The following MGAT4C variants were observed in gnomAD, a reference collection of about 807,000 sequenced individuals.
The protein encoded by MGAT4C is alpha-1,3-mannosyl-glycoprotein 4-beta-N-acetylglucosaminyltransferase C.
Under a neutral mutation model 40.1 loss-of-function variants are expected in MGAT4C, and 19 were observed. That is an observed-to-expected ratio of 0.47 (90% CI 0.33 to 0.70). MGAT4C has a LOEUF of 0.70. MGAT4C is among the 30% of genes least tolerant of loss of function. The pLI is 0.02. For synonymous variants in MGAT4C, 181 were observed against 187.1 expected, an observed-to-expected ratio of 0.97 and a Z score of 0.27; for missense variants, 491 against 563.2, an observed-to-expected ratio of 0.87 and a Z score of 1.30.
chr12:86,744,963 A>G (rs549966098), intron 1 of MGAT4C: 4 of 151,738 alleles, frequency 2.6e-5, no homozygotes, highest in Admixed American at 2.6e-4. Context: ...AAGAAGAACC[A>G]TGATGCAAAT....
intron 1 of MGAT4C, among the ~76,000 whole-genome samples, chr12:86,225,674 T>C (rs1488731633): frequency 6.6e-6 from 1 of 152,026 alleles, no homozygotes; most frequent in Non-Finnish European, 1.5e-5. Flanking sequence ...AGCACATCGA[T>C]AGATTGAAGG....
chr12:86,803,277 A>C (rs1436428658), intron 1 of MGAT4C, among the ~76,000 whole-genome samples: 1 of 151,384 alleles, frequency 6.6e-6, no homozygotes, highest in African/African-American at 2.4e-5. Flanking sequence ...AGATGGATTA[A>C]AGATTTAAAC....
chr12:86,171,402 A>C (rs1356217938), intron 1 of MGAT4C, among the ~76,000 whole-genome samples: 1 of 152,202 alleles, frequency 6.6e-6, no homozygotes, highest in African/African-American at 2.4e-5. Flanking sequence ...AAAGATGTTT[A>C]CTATCTTACA....
chr12:86,549,664 C>T (rs368923060), intron 2 of MGAT4C, among the ~76,000 whole-genome samples: 3 of 152,178 alleles, frequency 2.0e-5, no homozygotes, highest in Non-Finnish European at 2.9e-5. Context: ...TGAGTAACGT[C>T]AGCAAGACGC....
intron 1 of MGAT4C, among the ~76,000 whole-genome samples, chr12:86,060,811 A>G (rs1301489455): frequency 2.0e-5 from 3 of 152,190 alleles, no homozygotes; most frequent in African/African-American, 7.2e-5. Context: ...AAGAAAAATC[A>G]TAAGAAAACC....
In MGAT4C at chr12:85,966,182, T is replaced by C. The variant is rs1329848298; in HGVS notation, c.*13107A>G. 1 of 152,190 alleles carries C rather than the reference T, an allele frequency of 6.6e-6. No individual in the cohort carries two copies. The allele number at this position is 152,190 out of a possible 1,614,324, so 9.4% of individuals were successfully genotyped here. A position where few individuals can be genotyped will look rare whatever the true frequency, so the allele number is the denominator to read the frequency against. On this transcript the variant is annotated 3_prime_UTR_variant, in exon 5 of 5. Coordinates refer to ENST00000611864, the MANE Select transcript of MGAT4C (RefSeq NM_001351288.2). Reference sequence around the variant, plus strand: ...AGGAAAATGATACCATCTGATTTAATTATTAACTTGAAGGTCAGTTTCTAC... The same window carrying C: ...AGGAAAATGATACCATCTGATTTAACTATTAACTTGAAGGTCAGTTTCTAC...
chr12:85,987,074 A>T (rs985657585), intron 3 of MGAT4C, among the ~76,000 whole-genome samples: 4 of 149,566 alleles, frequency 2.7e-5, no homozygotes, highest in Admixed American at 1.3e-4. Context: ...CAATTGCTTT[A>T]ACTCATTTTT....
At chr12:86,461,079 T>C (rs925198093) in intron 2 of MGAT4C, among the ~76,000 whole-genome samples, 5 of 152,100 alleles carry the variant, frequency 3.3e-5, no homozygotes, top group Non-Finnish European at 5.9e-5. Flanking sequence ...TGAAAAATTA[T>C]AGGTCTCAAA....
At chr12:86,110,306 A>ATATATAGTCTATATATATAGTC (rs1555224781) in intron 1 of MGAT4C, among the ~76,000 whole-genome samples, 2 of 15,180 alleles carry the variant, frequency 1.3e-4, no homozygotes, top group Admixed American at 9.3e-4. Context: ...CTCTCTATAT[A>ATATATAGTCTATATATATAGTC]TATATATATA....
intron 1 of MGAT4C, among the ~76,000 whole-genome samples, chr12:86,729,401 T>C (rs1950874690): frequency 6.6e-6 from 1 of 152,032 alleles, no homozygotes; most frequent in African/African-American, 2.4e-5. Flanking sequence ...AATAAACTTT[T>C]ATAACTAATA....
At chr12:86,730,097 G>A (rs558876259) in intron 1 of MGAT4C, among the ~76,000 whole-genome samples, 2 of 151,948 alleles carry the variant, frequency 1.3e-5, no homozygotes, top group South Asian at 2.1e-4. Context: ...ACAGCTTATC[G>A]TAGGAGCCAA....
intron 3 of MGAT4C, among the ~76,000 whole-genome samples, chr12:86,364,241 TCAGA>T (rs1461325861): frequency 6.6e-6 from 1 of 151,960 alleles, no homozygotes; most frequent in Non-Finnish European, 1.5e-5. Flanking sequence ...AATACCAAAA[TCAGA>T]CAAAGCCACT....
chr12:86,758,052 A>G (rs1314341708), intron 1 of MGAT4C, among the ~76,000 whole-genome samples: 2 of 152,170 alleles, frequency 1.3e-5, no homozygotes, highest in Non-Finnish European at 2.9e-5. Flanking sequence ...CAAAGAACAT[A>G]TTATATTGAG....
intron 2 of MGAT4C, among the ~76,000 whole-genome samples, chr12:86,627,384 T>C (rs1352359588): frequency 6.6e-6 from 1 of 152,124 alleles, no homozygotes; most frequent in Non-Finnish European, 1.5e-5. Context: ...TGCAGCATGG[T>C]GTTTGAGCTC....
intron 3 of MGAT4C, among the ~76,000 whole-genome samples, chr12:86,365,645 G>A (rs562991915): frequency 4.6e-5 from 7 of 150,674 alleles, no homozygotes; most frequent in African/African-American, 7.3e-5. Flanking sequence ...TGGTCCCTCC[G>A]TTCGGGGTTC....
intron 2 of MGAT4C, among the ~76,000 whole-genome samples, chr12:86,481,732 T>C (rs1397271283): frequency 1.3e-5 from 2 of 151,620 alleles, no homozygotes; most frequent in African/African-American, 4.8e-5. Context: ...AAGTTTCTTT[T>C]CAACTAAAAT....
At chr12:86,092,225 G>C (rs1186139182) in intron 1 of MGAT4C, among the ~76,000 whole-genome samples, 1 of 152,054 alleles carries the variant, frequency 6.6e-6, no homozygotes, top group Non-Finnish European at 1.5e-5. Flanking sequence ...AAAATTGCCA[G>C]TTGACATGCA....
At chr12:86,737,451 T>A (rs183704756) in intron 1 of MGAT4C, among the ~76,000 whole-genome samples, 47 of 150,734 alleles carry the variant, frequency 3.1e-4, no homozygotes, top group Non-Finnish European at 4.8e-4. Context: ...TCTTAAATAA[T>A]CTAGAAAACC....
At chr12:86,289,272 G>A (rs1436742757) in intron 4 of MGAT4C, among the ~76,000 whole-genome samples, 1 of 142,530 alleles carries the variant, frequency 7.0e-6, no homozygotes, top group East Asian at 2.3e-4. Context: ...CTACGTGTTT[G>A]TTTTTGTACC....
Sources: gnomAD v4.1 joint callset for allele counts (sites outside exome capture counted in the v4.1 genomes callset) on GRCh38, gnomAD v4.1.1 for gene constraint, MANE v1.5 for transcripts, NCBI Gene and HGNC (gene_info 2026-07-23, HGNC 2026-07-21) for gene names.